FRMD4B: variants seen among roughly 807,000 people sequenced by gnomAD.
The protein encoded by FRMD4B is FERM domain-containing protein 4B.
Under a neutral mutation model 141.5 loss-of-function variants are expected in FRMD4B, and 74 were observed. The ratio of observed to expected loss-of-function variants is 0.52; its 90% CI spans 0.43 to 0.63. The LOEUF is 0.63. Ranked by LOEUF, FRMD4B falls within the 30% of genes least tolerant of loss-of-function variation. FRMD4B has a pLI of 0.00. For synonymous variants in FRMD4B, 506 were observed against 467.9 expected (o/e 1.08, Z -1.05); for missense variants, 1,366 against 1,253.4 (o/e 1.09, Z -1.36).
chr3:69,256,272 G>C (rs1271904047), intron 5 of FRMD4B, among the ~76,000 whole-genome samples: 2 of 152,186 alleles, frequency 1.3e-5, no homozygotes, highest in Non-Finnish European at 2.9e-5. Context: ...CCTGAGGATA[G>C]ATCTACATGG....
At chr3:69,452,195 A>G (rs1705513857) in intron 1 of FRMD4B, among the ~76,000 whole-genome samples, 1 of 152,258 alleles carries the variant, frequency 6.6e-6, no homozygotes, top group South Asian at 2.1e-4. Flanking sequence ...CAGTGATCGG[A>G]AGAGAAATAG....
upstream of FRMD4B, among the ~76,000 whole-genome samples, chr3:69,387,801 C>T (rs1266843986): frequency 1.3e-5 from 2 of 152,138 alleles, no homozygotes; most frequent in East Asian, 3.8e-4. Context: ...AGATTTCTTT[C>T]GTTAATAAAA....
intron 9 of FRMD4B, among the ~76,000 whole-genome samples, chr3:69,220,844 ACT>A (rs1434749327): frequency 6.6e-6 from 1 of 152,138 alleles, no homozygotes; most frequent in Non-Finnish European, 1.5e-5. Context: ...ACAGAGCAAG[ACT>A]CTGTCTCAAA....
intron 3 of FRMD4B, chr3:69,310,577 CACACAGAGAGAGAGAGAGAGAGAG>C: frequency 4.3e-6 from 1 of 231,694 alleles, no homozygotes; most frequent in Non-Finnish European, 8.8e-6. Flanking sequence ...CACACACACA[CACACAGAGAGAGAGAGAGAGAGAG>C]AGAGAGAGAG....
intron 1 of FRMD4B, among the ~76,000 whole-genome samples, 162 bp from the exon 2 acceptor site, chr3:69,313,679 G>A (rs1318944200): frequency 6.6e-6 from 1 of 152,186 alleles, no homozygotes; most frequent in Non-Finnish European, 1.5e-5. Context: ...TTATATGGGA[G>A]TAACTGGATT....
In FRMD4B at chr3:69,484,748, T is replaced by C. The variant is rs191291464; in HGVS notation, c.-128-51987A>G. Among the ~76,000 whole-genome samples the C allele has an allele frequency of 3.5e-4, 53 of 152,136 alleles. 1 individual carries two copies. The highest frequency in any genetic ancestry group is 3.1e-3 in the Admixed American group (48 of 15,300). ...TTATCAGCAGAGAGGATAACTCCTC[T>C]CTGCAGCTGGTCCTCTCATCATCTC... On this transcript the variant is annotated intron_variant, in intron 1 of 5. Transcript: ENST00000459638.
chr3:69,363,732 G>T (rs889551991), intron 1 of FRMD4B, among the ~76,000 whole-genome samples: 1 of 152,106 alleles, frequency 6.6e-6, no homozygotes, highest in African/African-American at 2.4e-5. Flanking sequence ...TTAAGAAATG[G>T]CTCCCCATTG....
chr3:69,377,237 A>G (rs1703995240), intron 1 of FRMD4B: 1 of 152,186 alleles, frequency 6.6e-6, no homozygotes, highest in Non-Finnish European at 1.5e-5. Flanking sequence ...TCAGTGATAA[A>G]TGGACTCATT....
intron 1 of FRMD4B, among the ~76,000 whole-genome samples, chr3:69,461,396 C>T (rs1161084129): frequency 6.6e-6 from 1 of 151,404 alleles, no homozygotes; most frequent in Non-Finnish European, 1.5e-5. Context: ...CCCCCCATCT[C>T]TAAAATAAAT....
chr3:69,481,337 C>T (rs948574558), intron 1 of FRMD4B, among the ~76,000 whole-genome samples: 4 of 152,126 alleles, frequency 2.6e-5, no homozygotes, highest in African/African-American at 9.7e-5. Flanking sequence ...GGAGCTGTTC[C>T]TATTCGGCCA....
intron 5 of FRMD4B, among the ~76,000 whole-genome samples, chr3:69,256,287 A>G (rs1055131833): frequency 1.3e-5 from 2 of 152,194 alleles, no homozygotes; most frequent in African/African-American, 4.8e-5. Context: ...ACATGGAGGT[A>G]GGAATATGCT....
rs185427973 is a variant in FRMD4B at position 69,501,944 on chromosome 3, G to A, written c.-129+40262C>T. Among the ~76,000 whole-genome samples, 58 of 152,206 alleles carry A rather than the reference G, an allele frequency of 3.8e-4. 2 individuals are homozygous for A. The highest frequency in any genetic ancestry group is 1.1e-3 in the African/African-American group (46 of 41,524). ...TTCCCGTTCACAATTGCTTCAAAGAGAATAAAATACCTAGGAATCCAACTT... is the reference window on the plus strand; with the variant it reads ...TTCCCGTTCACAATTGCTTCAAAGAAAATAAAATACCTAGGAATCCAACTT... On this transcript the variant is annotated intron_variant, in intron 1 of 5. Transcript: ENST00000459638.
intron 1 of FRMD4B, among the ~76,000 whole-genome samples, chr3:69,504,965 C>T (rs1706571019): frequency 6.6e-6 from 1 of 152,162 alleles, no homozygotes; most frequent in Non-Finnish European, 1.5e-5. Context: ...TAATCTCTTC[C>T]TTGTGATGCC....
chr3:69,496,636 AAAGAGAGAG>A lies in FRMD4B; in HGVS notation c.-129+45561_-129+45569del, dbSNP rs1706399518. 1.7e-3 allele frequency among the ~76,000 whole-genome samples: 204 copies of A among 118,214 alleles called. 1 individual carries two copies. The South Asian group carries it at 0.018, about 10-fold the overall frequency. The allele number at this position is 118,214 out of a possible 152,430, so 77.6% of individuals were successfully genotyped here. ...GTGAGAGAGAGAGAGAGAGAGAGAG[AAAGAGAGAG>A]AGAGAGAGAGAGAGAGAGAGAGAGA... is the stretch of plus-strand genomic sequence containing the variant. On this transcript the variant is annotated intron_variant, in intron 1 of 5. Coordinates refer to the FRMD4B transcript ENST00000459638.
intron 1 of FRMD4B, among the ~76,000 whole-genome samples, chr3:69,358,653 T>C (rs1703390776): frequency 6.6e-6 from 1 of 152,160 alleles, no homozygotes; most frequent in East Asian, 1.9e-4. Flanking sequence ...GGAGAATCAC[T>C]TGAGCCTGGG....
At chr3:69,331,674 A>T (rs1702374159) in intron 1 of FRMD4B, among the ~76,000 whole-genome samples, 1 of 152,114 alleles carries the variant, frequency 6.6e-6, no homozygotes, top group Non-Finnish European at 1.5e-5. Flanking sequence ...CTAAAAGCAC[A>T]CTCACTTCCC....
At position 69,536,651 on chromosome 3, in the gene FRMD4B, C is replaced by T. The variant is rs996825956; in HGVS notation, c.-129+5555G>A. On this transcript the variant is annotated intron_variant, in intron 1 of 5. Transcript: ENST00000459638. The stretch of plus-strand genomic sequence containing the variant: ...ACCTGGATGATCCTGCTGTGGAAGT[C>T]GAGGAGAGTGAGATGTCACTGGTGA... 19 of 992,366 alleles carry T rather than the reference C, an allele frequency of 1.9e-5. No homozygotes were observed. In the Admixed American group the frequency reaches 2.3e-4, roughly 12 times the overall value. 61.5% of individuals were successfully genotyped at this position (992,366 alleles called of 1,614,324 possible).
At chr3:69,197,410 G>A (rs4528950) in intron 12 of FRMD4B, among the ~76,000 whole-genome samples, 149,875 of 152,236 alleles carry the variant, frequency 0.98, 73,824 homozygotes, top group East Asian at 1. Flanking sequence ...CAAGTGTGGG[G>A]TGAGCACCTA....
intron 2 of FRMD4B, among the ~76,000 whole-genome samples, chr3:69,393,216 G>A (rs1704415801): frequency 6.6e-6 from 1 of 151,546 alleles, no homozygotes; most frequent in South Asian, 2.1e-4. Context: ...TGTAGGAGGG[G>A]GAAGTAAACA....
Sources: gnomAD v4.1 joint callset for allele counts (sites outside exome capture counted in the v4.1 genomes callset) on GRCh38, gnomAD v4.1.1 for gene constraint, MANE v1.5 for transcripts, NCBI Gene and HGNC (gene_info 2026-07-23, HGNC 2026-07-21) for gene names.